DGKZ: variants seen among roughly 807,000 people sequenced by gnomAD.
DGKZ encodes DAG kinase zeta.
A neutral mutation model predicts 142.5 loss-of-function variants in DGKZ; 45 were observed. The observed-to-expected ratio is 0.32, with a 90% confidence interval of 0.25 to 0.40. The LOEUF (loss-of-function observed/expected upper bound fraction) is 0.40. DGKZ is among the 10% of genes least tolerant of loss of function. The pLI, the probability that DGKZ is intolerant of heterozygous loss-of-function variation, is 1.00. For synonymous variants in DGKZ, 442 were observed against 527.0 expected (o/e 0.84, Z 2.21); for missense variants, 755 against 1,306.5 (o/e 0.58, Z 6.51).
In DGKZ at chr11:46,378,465, C is replaced by T; in HGVS notation, c.2383C>T (p.Leu795=). Residue 795 remains leucine, a synonymous_variant, in exon 27 of 31, where the codon CTG becomes TTG. Transcript: ENST00000527911. ...GCAGGTATTCCGTGCAGGTGAAGAG[C>T]TGATTGAGGCTGCCAAGAGGAACGA... 1.9e-6 allele frequency: 3 copies of T among 1,604,130 alleles called. No individual in the cohort carries two copies. The South Asian group carries it at 3.3e-5, about 18-fold the overall frequency.
intron 1 of DGKZ, among the ~76,000 whole-genome samples, chr11:46,355,174 T>A (rs1312005938): frequency 1.3e-5 from 2 of 152,172 alleles, no homozygotes. Flanking sequence ...AGTGGTGCGA[T>A]CTCGGCTCAC....
intron 6 of DGKZ, among the ~76,000 whole-genome samples, chr11:46,370,254 G>C (rs750149779): frequency 6.6e-5 from 10 of 152,256 alleles, no homozygotes; most frequent in Admixed American, 6.5e-4. Flanking sequence ...CTTTGAAGCT[G>C]CAAGTGGCCC....
chr11:46,377,009 C>T, intron 24 of DGKZ, 64 bp from the exon 25 acceptor site: 1 of 1,455,538 alleles, frequency 6.9e-7, no homozygotes, highest in Non-Finnish European at 9.6e-7. Context: ...GGTCTACCAG[C>T]CTTGCTGCCC....
chr11:46,366,793 C>T, intron 1 of DGKZ: 2 of 1,547,778 alleles, frequency 1.3e-6, no homozygotes, highest in Non-Finnish European at 8.7e-7. Context: ...CTCTCTGGGG[C>T]CTGCACGGCT....
chr11:46,363,687 G>C (rs1942939329), intron 1 of DGKZ, among the ~76,000 whole-genome samples: 1 of 152,230 alleles, frequency 6.6e-6, no homozygotes, highest in African/African-American at 2.4e-5. Flanking sequence ...GTGGCCTTTT[G>C]TTTTCTGGGT....
At chr11:46,357,599 C>G (rs139256922) in intron 1 of DGKZ, among the ~76,000 whole-genome samples, 15 of 152,396 alleles carry the variant, frequency 9.8e-5, no homozygotes, top group Non-Finnish European at 2.2e-4. Context: ...TCCTCCTGCA[C>G]TGATCAGCAG....
chr11:46,369,360 C>T, intron 4 of DGKZ, 134 bp from the exon 5 acceptor site: 1 of 1,009,082 alleles, frequency 9.9e-7, no homozygotes, highest in Non-Finnish European at 1.5e-6. Flanking sequence ...TCTCGTGTTT[C>T]AAGGACTCTC....
chr11:46,366,871 AGGCACCACCGCC>A, intron 1 of DGKZ: 3 of 1,547,352 alleles, frequency 1.9e-6, no homozygotes, highest in Non-Finnish European at 2.6e-6. Flanking sequence ...GAAGAGCCTC[AGGCACCACCGCC>A]GGCACCATGC....
intron 1 of DGKZ, among the ~76,000 whole-genome samples, chr11:46,339,281 T>C (rs754840906): frequency 1.2e-4 from 18 of 152,196 alleles, no homozygotes; most frequent in Non-Finnish European, 2.2e-4. Context: ...GTAATTTAAA[T>C]AGCAACAGGA....
chr11:46,378,298 A>G, intron 26 of DGKZ, 69 bp downstream of exon 26: 1 of 1,563,254 alleles, frequency 6.4e-7, no homozygotes, highest in Admixed American at 1.8e-5. Flanking sequence ...TGGGGTGGGG[A>G]TAGGGCCCAG....
rs1200898956 is a variant in DGKZ at position 46,360,050 on chromosome 11, C to T, written c.162-7241C>T. 2.0e-5 allele frequency among the ~76,000 whole-genome samples: 3 copies of T among 152,166 alleles called. No individual in the cohort carries two copies. In the East Asian group the frequency reaches 5.8e-4, roughly 29 times the overall value. On this transcript the variant is annotated intron_variant, in intron 1 of 30. Transcript: ENST00000527911. ...AAGATATTCCTTCTTTTTGTAACTA[C>T]ATGTCTGTGTGAGGCAGAATTTTCT...
intron 9 of DGKZ, 111 bp downstream of exon 9, chr11:46,371,886 T>C: frequency 7.3e-7 from 1 of 1,370,292 alleles, no homozygotes; most frequent in Non-Finnish European, 1.0e-6. Flanking sequence ...GGGGTCTGTG[T>C]GGGCTCTGGG....
chr11:46,342,894 C>A (rs971160460), upstream of DGKZ, among the ~76,000 whole-genome samples: 3 of 152,108 alleles, frequency 2.0e-5, no homozygotes, highest in Non-Finnish European at 4.4e-5. Flanking sequence ...GAGGCCAAGG[C>A]GGGCAGATCA....
chr11:46,345,334 C>T (rs75185699), upstream of DGKZ: 5,794 of 1,384,080 alleles, frequency 4.2e-3, 172 homozygotes, highest in African/African-American at 0.07. The surrounding 1 kb of genome is among the most constrained non-coding windows in gnomAD (Gnocchi z 4.1). Flanking sequence ...GGGCGGCCAG[C>T]GGCCTCTAGC....
Position 46,366,763 on chromosome 11 carries a change from G to A in DGKZ, c.162-528G>A, listed in dbSNP as rs754245881. The stretch of plus-strand genomic sequence containing the variant: ...GAGCCTCCTCCCACCTGCTCCCCGC[G>A]GATGCCGTATATGACCACGCTCTCT... On this transcript the variant is annotated intron_variant, in intron 1 of 30. Transcript: ENST00000527911. The A allele has an allele frequency of 1.2e-5, 18 of 1,549,862 alleles. No individual in the cohort carries two copies. The highest frequency in any genetic ancestry group is 4.7e-5 in the South Asian group (4 of 84,446).
At position 46,374,459 on chromosome 11, in the gene DGKZ, G is replaced by A; in HGVS notation, c.1461+5G>A. On this transcript the variant is annotated splice_donor_5th_base_variant and intron_variant, in intron 16 of 30. Coordinates refer to ENST00000527911, the Ensembl canonical transcript of DGKZ. ...AATAAGATGTTCTACGCCGGGGTGA[G>A]TGGGGTCTGCACCCCCGCCTGTGCC... is the stretch of plus-strand genomic sequence containing the variant. 1 of 1,613,968 alleles carries A rather than the reference G, an allele frequency of 6.2e-7. No individual in the cohort carries two copies. Among genetic ancestry groups the A allele is most frequent in the Non-Finnish European group, 8.5e-7 (1 of 1,180,024 alleles).
At chr11:46,370,445 C>T (rs1294419635) in intron 6 of DGKZ, among the ~76,000 whole-genome samples, 2 of 152,204 alleles carry the variant, frequency 1.3e-5, no homozygotes, top group African/African-American at 2.4e-5. Flanking sequence ...GCTTCTTGCC[C>T]GCCTCCCTCA....
In DGKZ at chr11:46,379,030, C is replaced by T. The variant is rs1944900376; in HGVS notation, c.2458C>T (p.Arg820Ter). 3.1e-6 allele frequency: 5 copies of T among 1,590,530 alleles called. No homozygotes were observed. Among genetic ancestry groups the T allele is most frequent in the Admixed American group, 1.7e-5 (1 of 59,066 alleles). The change falls in exon 28 of 31, where the codon CGA becomes TGA. Residue 820 changes from arginine to a stop codon, truncating the protein, a stop_gained. Coordinates refer to ENST00000527911, the Ensembl canonical transcript of DGKZ. LOFTEE classifies it high-confidence loss of function. ...CCGAGCTGGGGGCGACCTCATGCAC[C>T]GAGACGAGCAGAGTCGCACGCTCCT...
intron 1 of DGKZ, among the ~76,000 whole-genome samples, chr11:46,340,479 G>C (rs1365735616): frequency 6.6e-6 from 1 of 152,208 alleles, no homozygotes. Context: ...CAGGAAATTG[G>C]GAGGTGCCAA....
Sources: gnomAD v4.1 joint callset for allele counts (sites outside exome capture counted in the v4.1 genomes callset) on GRCh38, gnomAD v4.1.1 for gene constraint, Gnocchi (gnomAD v3.1) non-coding constraint, MANE v1.5 for transcripts, NCBI Gene and HGNC (gene_info 2026-07-23, HGNC 2026-07-21) for gene names.